KCNH7: variants seen among roughly 807,000 people sequenced by gnomAD.
KCNH7 encodes the protein potassium voltage-gated channel subfamily H member 7, also known as voltage-gated inwardly rectifying potassium channel KCNH7.
In KCNH7, 49 loss-of-function variants were observed where a neutral mutation model predicts 120.8. The ratio of observed to expected loss-of-function variants is 0.41; its 90% CI spans 0.32 to 0.51. The LOEUF (loss-of-function observed/expected upper bound fraction) is 0.51. Ranked by LOEUF, KCNH7 falls within the 20% of genes least tolerant of loss-of-function variation. The probability of loss-of-function intolerance (pLI) is 0.38; values close to 1 mark genes in which losing one functional copy is unlikely to be tolerated. For synonymous variants in KCNH7, 547 were observed against 516.1 expected, an observed-to-expected ratio of 1.06 and a Z score of -0.81; for missense variants, 1,097 against 1,446.6, an observed-to-expected ratio of 0.76 and a Z score of 3.92.
intron 8 of KCNH7, among the ~76,000 whole-genome samples, chr2:162,427,079 A>G (rs769987645): frequency 1.5e-4 from 23 of 151,666 alleles, no homozygotes; most frequent in Admixed American, 9.9e-4. Flanking sequence ...TGCTGAATTG[A>G]TGTGCATCAT....
At chr2:162,744,879 AC>A (rs1488291519) in intron 2 of KCNH7, among the ~76,000 whole-genome samples, 7 of 152,220 alleles carry the variant, frequency 4.6e-5, no homozygotes, top group Non-Finnish European at 1.0e-4. Flanking sequence ...GGCCGACAGA[AC>A]TTTTAATTAC....
intron 2 of KCNH7, among the ~76,000 whole-genome samples, chr2:162,741,292 T>C (rs1029067648): frequency 6.7e-6 from 1 of 149,704 alleles, no homozygotes; most frequent in African/African-American, 2.4e-5. Flanking sequence ...GTTATACATA[T>C]TAATAACATA....
At chr2:162,708,564 G>GA (rs1686801500) in intron 2 of KCNH7, among the ~76,000 whole-genome samples, 1 of 152,008 alleles carries the variant, frequency 6.6e-6, no homozygotes, top group Admixed American at 6.6e-5. Flanking sequence ...TGAAGCTCAG[G>GA]AAGCTCATCT....
chr2:162,807,243 T>A, intron 2 of KCNH7, among the ~76,000 whole-genome samples: 1 of 85,544 alleles, frequency 1.2e-5, no homozygotes, highest in South Asian at 4.1e-4. Context: ...AAAACCCATC[T>A]CCACTAAAAA....
chr2:162,547,354 T>C (rs1692514156), intron 2 of KCNH7, among the ~76,000 whole-genome samples: 1 of 152,090 alleles, frequency 6.6e-6, no homozygotes, highest in South Asian at 2.1e-4. Flanking sequence ...AGGAGAGGCA[T>C]CTGAGGCTGA....
chr2:162,443,733 A>T (rs781630952), intron 7 of KCNH7, among the ~76,000 whole-genome samples: 10 of 152,186 alleles, frequency 6.6e-5, no homozygotes, highest in Non-Finnish European at 1.3e-4. Context: ...AGTCTTCAAA[A>T]TGTCCATCGG....
chr2:162,607,119 G>T (rs532112427), intron 2 of KCNH7, among the ~76,000 whole-genome samples: 1 of 151,116 alleles, frequency 6.6e-6, no homozygotes, highest in African/African-American at 2.4e-5. Context: ...GCTCATGTCT[G>T]TAATCCCAGC....
chr2:162,392,637 C>T (rs76233448), intron 12 of KCNH7, among the ~76,000 whole-genome samples: 3,068 of 151,920 alleles, frequency 0.02, 95 homozygotes, highest in African/African-American at 0.07. Context: ...TCCACTTTCA[C>T]GGAACTTATG....
At chr2:162,681,432 T>G (rs1192302885) in intron 2 of KCNH7, among the ~76,000 whole-genome samples, 1 of 151,778 alleles carries the variant, frequency 6.6e-6, no homozygotes, top group Admixed American at 6.6e-5. Flanking sequence ...CACGAGGTGT[T>G]CATTTGTGAT....
chr2:162,560,900 A>G (rs1693038958), intron 2 of KCNH7, among the ~76,000 whole-genome samples: 2 of 152,238 alleles, frequency 1.3e-5, no homozygotes, highest in South Asian at 4.1e-4. Flanking sequence ...GGCTTCTTCC[A>G]TAATTCACTC....
chr2:162,653,920 T>C (rs892287334), intron 2 of KCNH7, among the ~76,000 whole-genome samples: 3 of 152,074 alleles, frequency 2.0e-5, no homozygotes, highest in Non-Finnish European at 2.9e-5. Context: ...ATAAATTATT[T>C]TGGTACAACT....
chr2:162,700,641 A>C (rs1296023071), intron 2 of KCNH7, among the ~76,000 whole-genome samples: 2 of 152,198 alleles, frequency 1.3e-5, no homozygotes, highest in Non-Finnish European at 2.9e-5. Flanking sequence ...CTGTCAGCAT[A>C]TTTGAAAAAT....
At chr2:162,619,182 TACTA>T (rs1324959770) in intron 2 of KCNH7, among the ~76,000 whole-genome samples, 8 of 152,114 alleles carry the variant, frequency 5.3e-5, no homozygotes, top group Admixed American at 4.6e-4. Context: ...AATGCATGGT[TACTA>T]ACTAAGAAAA....
At chr2:162,755,408 G>T (rs967777123) in intron 2 of KCNH7, among the ~76,000 whole-genome samples, 2 of 152,164 alleles carry the variant, frequency 1.3e-5, no homozygotes, top group Non-Finnish European at 1.5e-5. Flanking sequence ...GGTGGCAGAG[G>T]TTGTGGTGAG....
intron 2 of KCNH7, among the ~76,000 whole-genome samples, chr2:162,662,092 T>C (rs1330182645): frequency 1.3e-5 from 2 of 151,930 alleles, no homozygotes; most frequent in Non-Finnish European, 2.9e-5. Context: ...TGAAACCCCG[T>C]CTCTACTAAA....
chr2:162,475,800 G>A (rs940002750), intron 6 of KCNH7, among the ~76,000 whole-genome samples: 1 of 152,176 alleles, frequency 6.6e-6, no homozygotes, highest in African/African-American at 2.4e-5. Flanking sequence ...TGTGCATACA[G>A]TTGGCTCAGA....
At chr2:162,644,766 AT>A (rs1366331085) in intron 2 of KCNH7, among the ~76,000 whole-genome samples, 2 of 152,002 alleles carry the variant, frequency 1.3e-5, no homozygotes, top group Admixed American at 6.6e-5. Flanking sequence ...CAGAGGTCCT[AT>A]TTTTTTCCTT....
intron 2 of KCNH7, among the ~76,000 whole-genome samples, chr2:162,591,555 T>A (rs550780258): frequency 6.6e-6 from 1 of 151,976 alleles, no homozygotes; most frequent in Admixed American, 6.6e-5. Context: ...AGTACCTTCA[T>A]AGTGGTGCAA....
At chr2:162,527,514 T>C (rs1574066075) in intron 3 of KCNH7, among the ~76,000 whole-genome samples, 1 of 152,018 alleles carries the variant, frequency 6.6e-6, no homozygotes. Flanking sequence ...TTTGAGGAAG[T>C]AATGTAGCTA....
Sources: gnomAD v4.1 joint callset for allele counts (sites outside exome capture counted in the v4.1 genomes callset) on GRCh38, gnomAD v4.1.1 for gene constraint, MANE v1.5 for transcripts, NCBI Gene and HGNC (gene_info 2026-07-23, HGNC 2026-07-21) for gene names.